The following GAB3 variants were observed in gnomAD, a reference collection of about 807,000 sequenced individuals.
GAB3 encodes the protein GRB2 associated binding protein 3.
In GAB3, 12 loss-of-function variants were observed where a neutral mutation model predicts 40.4. The observed-to-expected ratio is 0.30, with a 90% CI of 0.19 to 0.48. The LOEUF (loss-of-function observed/expected upper bound fraction) is 0.48. Ranked by LOEUF, GAB3 falls within the 20% of genes least tolerant of loss-of-function variation. The probability of loss-of-function intolerance (pLI) is 0.99; values close to 1 mark genes in which losing one functional copy is unlikely to be tolerated. For missense variants in GAB3, 381 were observed against 461.9 expected, an observed-to-expected ratio of 0.82 and a Z score of 1.61; for synonymous variants, 154 against 176.7, an observed-to-expected ratio of 0.87 and a Z score of 1.02.
chrX:154,708,925 C>G (rs1264003402), intron 4 of GAB3, among the ~76,000 whole-genome samples: 1 of 111,997 alleles, frequency 8.9e-6, no homozygotes, highest in African/African-American at 3.2e-5. Context: ...TGTTGCAGCA[C>G]TATTCACAAT....
At chrX:154,686,593 A>G (rs1444594293) in intron 8 of GAB3, among the ~76,000 whole-genome samples, 1 of 108,863 alleles carries the variant, frequency 9.2e-6, no homozygotes, top group East Asian at 2.9e-4. Flanking sequence ...ATGCATGGTT[A>G]ATTTTTAATA....
chrX:154,742,566 T>C (rs1307899296), intron 1 of GAB3, among the ~76,000 whole-genome samples: 1 of 111,103 alleles, frequency 9.0e-6, no homozygotes, highest in African/African-American at 3.3e-5. Context: ...CATGCCATCG[T>C]AAAGCAAAAA....
intron 1 of GAB3, among the ~76,000 whole-genome samples, chrX:154,741,406 G>A (rs1168399599): frequency 2.7e-5 from 3 of 111,402 alleles, no homozygotes; most frequent in African/African-American, 9.8e-5. Flanking sequence ...GGCCGGGCAT[G>A]GTGGCTCACA....
chrX:154,701,804 A>G (rs1041906792), intron 4 of GAB3, among the ~76,000 whole-genome samples: 17 of 111,867 alleles, frequency 1.5e-4, no homozygotes, highest in African/African-American at 5.2e-4. Context: ...TAACTTAACC[A>G]AAGAAGTGAA....
intron 1 of GAB3, among the ~76,000 whole-genome samples, chrX:154,733,445 G>T (rs1440583516): frequency 8.9e-6 from 1 of 111,871 alleles, no homozygotes. Flanking sequence ...AAAAACTTTC[G>T]CATTTTGTCA....
chrX:154,694,657 T>A (rs1208975867), intron 8 of GAB3, among the ~76,000 whole-genome samples: 1 of 112,210 alleles, frequency 8.9e-6, no homozygotes, highest in Admixed American at 9.4e-5. Context: ...CCTCCCAAAG[T>A]GCTGGGATTA....
upstream of GAB3, chrX:154,751,184 A>T: frequency 2.4e-6 from 1 of 416,556 alleles, no homozygotes; most frequent in Non-Finnish European, 3.0e-6. Context: ...GCCCCCGGGG[A>T]GGGAACCGAC....
chrX:154,720,430 T>A (rs1232479520), intron 1 of GAB3, among the ~76,000 whole-genome samples: 3 of 110,612 alleles, frequency 2.7e-5, no homozygotes, highest in South Asian at 3.8e-4. Flanking sequence ...ATCGAGACCA[T>A]CCTGGCTAAC....
intron 1 of GAB3, among the ~76,000 whole-genome samples, chrX:154,734,317 T>G (rs782246506): frequency 8.8e-6 from 1 of 113,197 alleles, no homozygotes; most frequent in Non-Finnish European, 1.9e-5. Context: ...TAGTAAGTAA[T>G]AGCCAAAGCT....
At chrX:154,683,553 G>C (rs1423733739) in intron 8 of GAB3, among the ~76,000 whole-genome samples, 1 of 111,661 alleles carries the variant, frequency 9.0e-6, no homozygotes, top group Non-Finnish European at 1.9e-5. Context: ...AGGGATCTTG[G>C]AATTTACCTG....
chrX:154,729,391 C>T (rs1195942482), intron 1 of GAB3, among the ~76,000 whole-genome samples: 1 of 111,696 alleles, frequency 9.0e-6, no homozygotes, highest in Non-Finnish European at 1.9e-5. Flanking sequence ...AAGAATATGA[C>T]CCAGGCCCTG....
In GAB3 at chrX:154,699,497, G is replaced by A. The variant is rs193262930; in HGVS notation, c.1142C>T (p.Pro381Leu). 2.4e-5 allele frequency: 29 copies of A among 1,207,483 alleles called. No individual in the cohort carries two copies. The highest frequency in any genetic ancestry group is 5.9e-5 in the East Asian group (2 of 33,730). ...LSLNLPCRFS[P>L]MYPTASASIE... ...ACTGGCTGAAGCTGTGGGGTACATCGGGGAGAACCTGCATGGCTGCAAAAG... is the reference window on the plus strand; with the variant it reads ...ACTGGCTGAAGCTGTGGGGTACATCAGGGAGAACCTGCATGGCTGCAAAAG... Residue 381 changes from proline (P) to leucine (L), a missense_variant, in exon 6 of 10, where the codon CCG becomes CTG. Coordinates refer to ENST00000424127, the MANE Select transcript of GAB3 (RefSeq NM_001081573.3).
intron 1 of GAB3, among the ~76,000 whole-genome samples, chrX:154,719,852 C>A (rs1357213088): frequency 9.0e-6 from 1 of 111,339 alleles, no homozygotes; most frequent in African/African-American, 3.3e-5. Context: ...TAAAGTGAAG[C>A]TTTTTACAGT....
chrX:154,691,849 C>G lies in GAB3; in HGVS notation c.1530+4068G>C, dbSNP rs781914535. Reference sequence around the variant, plus strand: ...TAGACATATAGACCAAGAAATAAACCCTTGCATATATTGATTTTCAACGAG... The same window carrying G: ...TAGACATATAGACCAAGAAATAAACGCTTGCATATATTGATTTTCAACGAG... On this transcript the variant is annotated intron_variant, in intron 8 of 9. Transcript: ENST00000424127. 2.0e-4 allele frequency among the ~76,000 whole-genome samples: 22 copies of G among 111,492 alleles called. No homozygotes were observed. The South Asian group carries it at 8.2e-3, about 41-fold the overall frequency.
intron 1 of GAB3, among the ~76,000 whole-genome samples, chrX:154,741,013 A>G (rs369017839): frequency 8.9e-6 from 1 of 111,962 alleles, no homozygotes; most frequent in Non-Finnish European, 1.9e-5. Context: ...TAGCTCCTAT[A>G]CTATAATTCC....
At chrX:154,702,519 G>C (rs782549506) in intron 4 of GAB3, among the ~76,000 whole-genome samples, 3 of 112,109 alleles carry the variant, frequency 2.7e-5, no homozygotes, top group African/African-American at 9.7e-5. Flanking sequence ...AAATTCTTCA[G>C]CAGTACACCA....
chrX:154,732,832 G>A (rs1298421548), intron 1 of GAB3, among the ~76,000 whole-genome samples: 5 of 110,841 alleles, frequency 4.5e-5, no homozygotes, highest in Non-Finnish European at 9.4e-5. Context: ...AACCACCTCC[G>A]AGCCCCCGGC....
chrX:154,737,067 C>T (rs2071374151), intron 1 of GAB3, among the ~76,000 whole-genome samples: 1 of 112,169 alleles, frequency 8.9e-6, no homozygotes, highest in African/African-American at 3.2e-5. Flanking sequence ...TCCACTGCCA[C>T]ACTTCTTGCT....
intron 1 of GAB3, among the ~76,000 whole-genome samples, chrX:154,740,596 C>T (rs1025398477): frequency 1.7e-4 from 19 of 111,002 alleles, no homozygotes; most frequent in Admixed American, 9.5e-5. Flanking sequence ...AGAGGGATGA[C>T]AATCCCTTCC....
Sources: gnomAD v4.1 joint callset for allele counts (sites outside exome capture counted in the v4.1 genomes callset) on GRCh38, gnomAD v4.1.1 for gene constraint, MANE v1.5 for transcripts, NCBI Gene and HGNC (gene_info 2026-07-23, HGNC 2026-07-21) for gene names.